Variants in REPS2 observed in about 807,000 individuals in gnomAD.
REPS2 encodes RALBP1 associated Eps domain containing 2.
A neutral mutation model predicts 53.6 loss-of-function variants in REPS2; 23 were observed. The ratio of observed to expected loss-of-function variants is 0.43; its 90% CI spans 0.31 to 0.61. The LOEUF is 0.61. REPS2 is among the 20% of genes least tolerant of loss of function. The probability of loss-of-function intolerance (pLI) is 0.11; values close to 1 mark genes in which losing one functional copy is unlikely to be tolerated. For missense variants in REPS2, 446 were observed against 534.9 expected (o/e 0.83, Z 1.64); for synonymous variants, 238 against 218.6 (o/e 1.09, Z -0.78).
intron 5 of REPS2, among the ~76,000 whole-genome samples, chrX:17,045,829 A>G (rs970938295): frequency 9.0e-6 from 1 of 110,620 alleles, no homozygotes; most frequent in Non-Finnish European, 1.9e-5. Flanking sequence ...AGTAATACAT[A>G]TTTTACTTCA....
At chrX:16,978,568 G>A in intron 1 of REPS2, 1 of 752,195 alleles carries the variant, frequency 1.3e-6, no homozygotes, top group South Asian at 6.8e-5. Context: ...TCTAAAAGGA[G>A]GAGCAGTTTT....
rs201553439 is a variant in REPS2 at position 16,970,179 on chromosome X, TTGTC to T, written c.273+23049_273+23052del. On this transcript the variant is annotated intron_variant, in intron 1 of 17. Coordinates refer to ENST00000357277, the MANE Select transcript of REPS2 (RefSeq NM_004726.3). Reference sequence around the variant, plus strand: ...TTGTTATTTTTAAAGGTTTTCTCCTTTGTCTGTTGTTTTCCCACTTTTTTTTTTT... The same window carrying T: ...TTGTTATTTTTAAAGGTTTTCTCCTTTGTTGTTTTCCCACTTTTTTTTTTT... Among the ~76,000 whole-genome samples, 383 of 110,816 alleles carry T rather than the reference TTGTC, an allele frequency of 3.5e-3. 11 individuals carry two copies. Among genetic ancestry groups the T allele is most frequent in the Admixed American group, 0.034 (359 of 10,432 alleles).
chrX:17,133,734 C>T, intron 14 of REPS2, 90 bp from the exon 15 acceptor site: 1 of 837,852 alleles, frequency 1.2e-6, no homozygotes, highest in East Asian at 3.2e-5. Flanking sequence ...TCAGTTTTCC[C>T]TTGGTGACTA....
intron 13 of REPS2, among the ~76,000 whole-genome samples, chrX:17,088,750 A>AT (rs1375837747): frequency 3.7e-5 from 4 of 108,967 alleles, no homozygotes; most frequent in African/African-American, 1.3e-4. Context: ...CGCCTGGCTA[A>AT]TTTTTTGTAT....
chrX:17,084,136 G>A (rs2062499307), intron 13 of REPS2, among the ~76,000 whole-genome samples: 1 of 107,740 alleles, frequency 9.3e-6, no homozygotes, highest in Non-Finnish European at 1.9e-5. Context: ...CTATGGATTT[G>A]CCCATTCCGG....
intron 9 of REPS2, 84 bp from the exon 10 acceptor site, chrX:17,068,318 A>G: frequency 4.9e-6 from 4 of 824,172 alleles, no homozygotes; most frequent in Non-Finnish European, 6.9e-6. Context: ...TGTCTCAAAA[A>G]AAAAAAATTT....
chrX:17,173,281 C>G, the REPS2 span, among the ~76,000 whole-genome samples: 1 of 111,220 alleles, frequency 9.0e-6, no homozygotes, highest in Non-Finnish European at 1.9e-5. Context: ...GGGAAGAATT[C>G]TCATCTAAGC....
intron 2 of REPS2, among the ~76,000 whole-genome samples, chrX:17,014,545 A>AT (rs1288667261): frequency 1.4e-3 from 154 of 106,307 alleles, no homozygotes; most frequent in Admixed American, 3.1e-3. Flanking sequence ...GACTGGCCTG[A>AT]TTTTTTTTTT....
chrX:17,024,920 G>A, intron 3 of REPS2, 139 bp from the exon 4 acceptor site: 1 of 859,799 alleles, frequency 1.2e-6, no homozygotes, highest in Non-Finnish European at 1.7e-6. Context: ...TAACCATGCT[G>A]CATTTTTGAG....
chrX:17,134,613 GTT>G (rs369534061), intron 15 of REPS2, among the ~76,000 whole-genome samples: 1 of 109,636 alleles, frequency 9.1e-6, no homozygotes, highest in Non-Finnish European at 1.9e-5. Flanking sequence ...CAAAGCTTAG[GTT>G]TTTTTTTGTT....
chrX:17,057,181 CTTA>C (rs1454699925), intron 8 of REPS2, among the ~76,000 whole-genome samples: 1 of 112,247 alleles, frequency 8.9e-6, no homozygotes, highest in Non-Finnish European at 1.9e-5. Flanking sequence ...ACTTTAATTA[CTTA>C]TTAGTAGAGT....
At chrX:17,193,488 C>T in the REPS2 span, among the ~76,000 whole-genome samples, 8 of 111,046 alleles carry the variant, frequency 7.2e-5, no homozygotes, top group Non-Finnish European at 1.3e-4. Context: ...CCCAGCATTG[C>T]AGTCCAAAAG....
chrX:17,187,959 A>C, the REPS2 span, among the ~76,000 whole-genome samples: 1 of 112,321 alleles, frequency 8.9e-6, no homozygotes, highest in Non-Finnish European at 1.9e-5. Context: ...TTTGTACCCC[A>C]CCAGCAGTAT....
intron 13 of REPS2, among the ~76,000 whole-genome samples, chrX:17,089,356 C>A (rs1045644824): frequency 9.0e-6 from 1 of 111,064 alleles, no homozygotes; most frequent in Non-Finnish European, 1.9e-5. Flanking sequence ...ATTAATTATA[C>A]TTTTTTCTAC....
chrX:16,959,493 T>TC (rs1569088820), intron 1 of REPS2, among the ~76,000 whole-genome samples: 12 of 112,040 alleles, frequency 1.1e-4, no homozygotes, highest in Non-Finnish European at 2.1e-4. Flanking sequence ...GGAGTGACCC[T>TC]CTTGCAGATT....
chrX:17,069,595 C>G (rs971991808), intron 10 of REPS2, among the ~76,000 whole-genome samples: 6 of 111,621 alleles, frequency 5.4e-5, no homozygotes, highest in African/African-American at 2.0e-4. Flanking sequence ...GATTTCACTC[C>G]CAGGGATTCT....
Position 17,080,463 on chromosome X carries a change from G to A in REPS2, c.1516+3056G>A, listed in dbSNP as rs139116235. ...ACCACCTTGTTCTTATAATATAAAC[G>A]AGGCAGAGGTTATTAATAATTTCAT... On this transcript the variant is annotated intron_variant, in intron 13 of 17. Transcript: ENST00000357277. 5.8e-3 allele frequency among the ~76,000 whole-genome samples: 642 copies of A among 110,772 alleles called. 5 individuals carry two copies. Among genetic ancestry groups the A allele is most frequent in the African/African-American group, 0.02 (617 of 30,376 alleles).
intron 2 of REPS2, among the ~76,000 whole-genome samples, chrX:17,011,795 C>G (rs1297538690): frequency 9.1e-6 from 1 of 109,941 alleles, no homozygotes; most frequent in Admixed American, 9.7e-5. Flanking sequence ...AACCTTGTCT[C>G]TACTAAAAAT....
chrX:17,161,618 CT>C, the REPS2 span, among the ~76,000 whole-genome samples: 155 of 101,954 alleles, frequency 1.5e-3, no homozygotes, highest in Middle Eastern at 0.01. Context: ...GATCTCCTGC[CT>C]TTTTTTTTTT....
Sources: allele counts gnomAD v4.1 joint callset (sites outside exome capture counted in the v4.1 genomes callset), GRCh38; gene constraint gnomAD v4.1.1; transcripts MANE v1.5; gene names NCBI Gene and HGNC (gene_info 2026-07-23, HGNC 2026-07-21).